Variants in NLRP9 observed in about 807,000 individuals in gnomAD.
The protein encoded by NLRP9 is NACHT, LRR and PYD domains-containing protein 9.
A neutral mutation model predicts 83.1 loss-of-function variants in NLRP9; 88 were observed. The observed-to-expected ratio is 1.06, with a 90% CI of 0.89 to 1.26. The LOEUF (loss-of-function observed/expected upper bound fraction) is 1.26. NLRP9 is among the 50% of genes most tolerant of loss of function. NLRP9 has a pLI of 0.00. For synonymous variants in NLRP9, 521 were observed against 447.6 expected (o/e 1.16, Z -2.07); for missense variants, 1,308 against 1,179.3 (o/e 1.11, Z -1.60).
At chr19:55,709,860 A>G (rs1363302664) in intron 8 of NLRP9, 1 of 152,220 alleles carries the variant, frequency 6.6e-6, no homozygotes, top group Non-Finnish European at 1.5e-5. Flanking sequence ...TTCACAAATA[A>G]TTGGTAAGAC....
chr19:55,723,828 C>G (rs1988311649), intron 4 of NLRP9, 152 bp downstream of exon 4: 4 of 582,938 alleles, frequency 6.9e-6, no homozygotes, highest in Non-Finnish European at 1.2e-5. Context: ...GCAGAATCTA[C>G]CTTCACCTTA....
chr19:55,718,886 C>T (rs1477085868), intron 4 of NLRP9, among the ~76,000 whole-genome samples: 1 of 152,238 alleles, frequency 6.6e-6, no homozygotes, highest in African/African-American at 2.4e-5. Flanking sequence ...GCCCCCTTCA[C>T]ACTCAGGACC....
intron 3 of NLRP9, among the ~76,000 whole-genome samples, chr19:55,724,794 T>C (rs1215103501): frequency 6.6e-6 from 1 of 152,144 alleles, no homozygotes; most frequent in Non-Finnish European, 1.5e-5. Context: ...AGGCCAGGCA[T>C]GGTGACTCAC....
intron 4 of NLRP9, among the ~76,000 whole-genome samples, chr19:55,718,654 C>T (rs569433995): frequency 6.6e-6 from 1 of 152,350 alleles, no homozygotes; most frequent in East Asian, 1.9e-4. Context: ...GACCCTCTCC[C>T]CACCTGTTGC....
At chr19:55,711,376 C>G in intron 8 of NLRP9, 1 of 1,238,392 alleles carries the variant, frequency 8.1e-7, no homozygotes, top group Non-Finnish European at 1.0e-6. Flanking sequence ...ACAACGTTAA[C>G]TGCTGCCATT....
chr19:55,715,599 G>A (rs1182852987), intron 5 of NLRP9, among the ~76,000 whole-genome samples: 1 of 152,124 alleles, frequency 6.6e-6, no homozygotes, highest in Non-Finnish European at 1.5e-5. Context: ...CAGGAGAATC[G>A]CTTGAACCCA....
rs113057644 is a variant in NLRP9, at chr19:55,716,652, G to A, written c.2330+76C>T. The A allele has an allele frequency of 4.0e-4, 498 of 1,234,416 alleles. No individual in the cohort carries two copies. The African/African-American group carries it at 5.6e-3, about 14-fold the overall frequency. 76.5% of individuals were successfully genotyped at this position (1,234,416 alleles called of 1,614,324 possible). ...TCTGCTGCACCCCTCAGTGAGCACC[G>A]CGTTGCTTTGATAATGGGTGGATCC... is the stretch of plus-strand genomic sequence containing the variant. On this transcript the variant is annotated intron_variant, in intron 5 of 8. Transcript: ENST00000332836.
rs982051630 is a variant in NLRP9, at chr19:55,711,699, A to T, written c.2843+101T>A. Reference sequence around the variant, plus strand: ...CAAGGACAGGCCCCCACCACAAACAACCCTCCAGCCTGGCATCCATCATGT... The same window carrying T: ...CAAGGACAGGCCCCCACCACAAACATCCCTCCAGCCTGGCATCCATCATGT... On this transcript the variant is annotated intron_variant, in intron 8 of 8. Coordinates refer to ENST00000332836, the MANE Select transcript of NLRP9 (RefSeq NM_176820.4). 36 of 1,206,180 alleles carry T rather than the reference A, an allele frequency of 3.0e-5. 1 individual carries two copies. The highest frequency in any genetic ancestry group is 4.0e-5 in the Non-Finnish European group (34 of 840,740). 74.7% of individuals were successfully genotyped at this position (1,206,180 alleles called of 1,614,324 possible).
chr19:55,728,790 G>C (rs1906816692), intron 3 of NLRP9, among the ~76,000 whole-genome samples: 1 of 152,146 alleles, frequency 6.6e-6, no homozygotes, highest in South Asian at 2.1e-4. Flanking sequence ...GTGATGACAT[G>C]ACTTTTCAAG....
chr19:55,731,879 T>G, intron 2 of NLRP9, 120 bp downstream of exon 2: 1 of 631,884 alleles, frequency 1.6e-6, no homozygotes, highest in Non-Finnish European at 2.7e-6. Flanking sequence ...AAGGAAGGCT[T>G]TCTGACTCCG....
intron 6 of NLRP9, 48 bp from the exon 7 acceptor site, chr19:55,712,638 A>G (rs373955956): frequency 1.3e-5 from 20 of 1,503,162 alleles, no homozygotes; most frequent in Non-Finnish European, 1.8e-5. Context: ...GAGGTCAATC[A>G]TAACAGCCCA....
At chr19:55,736,852 CA>C (rs10711945) in intron 1 of NLRP9, among the ~76,000 whole-genome samples, 70,421 of 146,140 alleles carry the variant, frequency 0.48, 17,417 homozygotes, top group African/African-American at 0.64. Context: ...AAAACAAAAA[CA>C]AAAAAAAAAA....
chr19:55,716,120 T>G (rs1334936072), intron 5 of NLRP9, among the ~76,000 whole-genome samples: 1 of 152,204 alleles, frequency 6.6e-6, no homozygotes, highest in Non-Finnish European at 1.5e-5. Context: ...AGAGTTGATT[T>G]TAAATGTTCT....
At chr19:55,731,363 GA>G (rs113828486) in intron 2 of NLRP9, among the ~76,000 whole-genome samples, 66 of 135,466 alleles carry the variant, frequency 4.9e-4, no homozygotes, top group Middle Eastern at 3.7e-3. Context: ...TAAAAATGGT[GA>G]AAAAAAAAAA....
intron 1 of NLRP9, among the ~76,000 whole-genome samples, chr19:55,735,772 C>G (rs777410393): frequency 6.6e-6 from 1 of 152,056 alleles, no homozygotes; most frequent in South Asian, 2.1e-4. Flanking sequence ...ACTGCAACTT[C>G]CACCTCCCGG....
rs1466070254 is a variant in NLRP9, at chr19:55,712,609, C to A, written c.2502-19G>T. 2 of 1,608,340 alleles carry A rather than the reference C, an allele frequency of 1.2e-6. No individual in the cohort carries two copies. Among genetic ancestry groups the A allele is most frequent in the Admixed American group, 3.3e-5 (2 of 59,746 alleles). On this transcript the variant is annotated intron_variant, in intron 6 of 8. Coordinates refer to ENST00000332836, the MANE Select transcript of NLRP9 (RefSeq NM_176820.4). ...CATCAACCTGGGGAGGTGGAAGACA[C>A]ACAAATACGTACACTTATGAGGTCA...
Position 55,711,858 on chromosome 19 carries a change from C to T in NLRP9, c.2785G>A (p.Ala929Thr). 1 of 1,613,404 alleles carries T rather than the reference C, an allele frequency of 6.2e-7. No individual in the cohort carries two copies. Among genetic ancestry groups the T allele is most frequent in the Non-Finnish European group, 8.5e-7 (1 of 1,179,952 alleles). The change falls in exon 8 of 9, where the codon GCA becomes ACA. Residue 929 changes from alanine (A) to threonine (T), a missense_variant. Transcript: ENST00000332836. ...NLDWIALDADAVVVLCEALSH... is the reference protein window; with the variant it reads ...NLDWIALDADTVVVLCEALSH... ...AATGCCTCACACAGCACCACCACTG[C>T]ATCAGCATCCAAGGCAATCCAGTCG... is the stretch of plus-strand genomic sequence containing the variant.
At chr19:55,713,342 A>T (rs1395404868) in intron 6 of NLRP9, among the ~76,000 whole-genome samples, 2 of 151,838 alleles carry the variant, frequency 1.3e-5, no homozygotes, top group Non-Finnish European at 2.9e-5. Context: ...GGGACAGATG[A>T]ATAGTTAATA....
At chr19:55,711,737 A>T in intron 8 of NLRP9, 63 bp downstream of exon 8, 3 of 1,512,436 alleles carry the variant, frequency 2.0e-6, no homozygotes, top group South Asian at 2.3e-5. Context: ...CGGTTGAGCA[A>T]ATGGCCAATG....
Sources: allele counts gnomAD v4.1 joint callset (sites outside exome capture counted in the v4.1 genomes callset), GRCh38; gene constraint gnomAD v4.1.1; transcripts MANE v1.5; gene names NCBI Gene and HGNC (gene_info 2026-07-23, HGNC 2026-07-21).